Variants in RTL4 observed in about 807,000 individuals in gnomAD.
The protein encoded by RTL4 is retrotransposon Gag like 4.
A neutral mutation model predicts 5.3 loss-of-function variants in RTL4; 4 were observed. The ratio of observed to expected loss-of-function variants is 0.75; its 90% CI spans 0.37 to 1.72. RTL4 has a LOEUF of 1.72. Ranked by LOEUF, RTL4 falls within the 40% of genes most tolerant of loss-of-function variation. The pLI is 0.04. For synonymous variants in RTL4, 98 were observed against 87.3 expected (o/e 1.12, Z -0.68); for missense variants, 260 against 227.1 (o/e 1.14, Z -0.93).
chrX:112,186,902 C>T, the RTL4 span, among the ~76,000 whole-genome samples: 1 of 112,100 alleles, frequency 8.9e-6, no homozygotes, highest in East Asian at 2.8e-4. Flanking sequence ...GTTATTTTGC[C>T]TTTTGACTTA....
the RTL4 span, among the ~76,000 whole-genome samples, chrX:112,120,133 G>T: frequency 1.8e-5 from 2 of 111,993 alleles, no homozygotes; most frequent in African/African-American, 6.5e-5. Context: ...CAAAGTTGTG[G>T]TCTTCTTTTC....
chrX:112,411,521 T>C, the RTL4 span, among the ~76,000 whole-genome samples: 1 of 111,491 alleles, frequency 9.0e-6, no homozygotes, highest in African/African-American at 3.2e-5. Flanking sequence ...AAGTGGGGTT[T>C]ATCTCAGGAA....
At chrX:112,271,049 G>GAAAAAA in the RTL4 span, among the ~76,000 whole-genome samples, 1 of 60,860 alleles carries the variant, frequency 1.6e-5, no homozygotes, top group African/African-American at 5.4e-5. Context: ...CCTGGAGACA[G>GAAAAAA]AAAAAAAAAA....
At chrX:112,322,752 T>A in the RTL4 span, among the ~76,000 whole-genome samples, 2 of 111,766 alleles carry the variant, frequency 1.8e-5, no homozygotes, top group African/African-American at 6.5e-5. Context: ...TACACACATA[T>A]ATAGGATTTC....
chrX:112,420,804 T>C, the RTL4 span, among the ~76,000 whole-genome samples: 3 of 112,039 alleles, frequency 2.7e-5, no homozygotes, highest in African/African-American at 9.7e-5. Context: ...ACATATCATA[T>C]GCCTGGCCAC....
At chrX:112,321,815 A>G in the RTL4 span, among the ~76,000 whole-genome samples, 7,215 of 111,211 alleles carry the variant, frequency 0.065, 563 homozygotes, top group African/African-American at 0.22. Flanking sequence ...TCTAAATTCC[A>G]CATCTCATCT....
the RTL4 span, among the ~76,000 whole-genome samples, chrX:112,215,581 T>C: frequency 8.9e-6 from 1 of 112,354 alleles, no homozygotes; most frequent in Admixed American, 9.5e-5. Context: ...TTTCATTCAG[T>C]GCTGTCTTCA....
chrX:112,340,358 G>A, the RTL4 span, among the ~76,000 whole-genome samples: 1 of 111,106 alleles, frequency 9.0e-6, no homozygotes, highest in African/African-American at 3.3e-5. Context: ...CACTTAAACA[G>A]ATGTCATATA....
chrX:112,414,514 T>C, the RTL4 span, among the ~76,000 whole-genome samples: 1 of 111,569 alleles, frequency 9.0e-6, no homozygotes, highest in Non-Finnish European at 1.9e-5. Context: ...AAAATTGTGA[T>C]CTACCTTTCT....
the RTL4 span, among the ~76,000 whole-genome samples, chrX:112,280,419 A>G: frequency 9.0e-6 from 1 of 111,677 alleles, no homozygotes; most frequent in South Asian, 3.8e-4. Context: ...GCGGTATGCA[A>G]TATACACAGG....
At chrX:112,337,349 T>C in the RTL4 span, among the ~76,000 whole-genome samples, 50 of 111,752 alleles carry the variant, frequency 4.5e-4, no homozygotes, top group Middle Eastern at 0.032. Context: ...AGGGGCATGA[T>C]CTCAGCTCAC....
the RTL4 span, among the ~76,000 whole-genome samples, chrX:112,283,157 T>C: frequency 2.2e-4 from 25 of 111,670 alleles, no homozygotes; most frequent in African/African-American, 7.5e-4. Context: ...TTAACTCTTA[T>C]CATTTATGAA....
chrX:112,215,467 TTCC>T, the RTL4 span, among the ~76,000 whole-genome samples: 550 of 111,974 alleles, frequency 4.9e-3, 3 homozygotes, highest in African/African-American at 0.017. Flanking sequence ...GTTGTGGGAG[TTCC>T]TTATATATTT....
chrX:112,305,297 T>C, the RTL4 span, among the ~76,000 whole-genome samples: 2 of 108,609 alleles, frequency 1.8e-5, no homozygotes, highest in Admixed American at 9.9e-5. Flanking sequence ...GCTGGGACTA[T>C]AGGCGTGCAC....
chrX:112,224,310 ATTT>A, the RTL4 span, among the ~76,000 whole-genome samples: 2 of 19,965 alleles, frequency 1.0e-4, no homozygotes, highest in Non-Finnish European at 2.0e-4. Context: ...AGATACATTT[ATTT>A]ATTTATTTAT....
At chrX:112,333,335 G>T in the RTL4 span, among the ~76,000 whole-genome samples, 1 of 110,796 alleles carries the variant, frequency 9.0e-6, no homozygotes, top group Non-Finnish European at 1.9e-5. Context: ...GTTAATAATT[G>T]TGTATAGTAT....
chrX:112,151,777 ACTAAT>A, the RTL4 span, among the ~76,000 whole-genome samples: 107 of 111,621 alleles, frequency 9.6e-4, 1 homozygote, highest in Admixed American at 4.1e-3. Flanking sequence ...CAAAGCAATG[ACTAAT>A]CTAACTATTT....
the RTL4 span, among the ~76,000 whole-genome samples, chrX:112,331,652 T>C: frequency 1.9e-5 from 2 of 107,300 alleles, no homozygotes; most frequent in South Asian, 8.4e-4. Context: ...GCCATGCCAT[T>C]ACTGGGTATA....
chrX:112,328,826 A>G, the RTL4 span, among the ~76,000 whole-genome samples: 1 of 112,302 alleles, frequency 8.9e-6, no homozygotes, highest in Non-Finnish European at 1.9e-5. Flanking sequence ...CCACAGTGCA[A>G]TCAAACTAGA....
Sources: gnomAD v4.1 joint callset for allele counts (sites outside exome capture counted in the v4.1 genomes callset) on GRCh38, gnomAD v4.1.1 for gene constraint, MANE v1.5 for transcripts, NCBI Gene and HGNC (gene_info 2026-07-23, HGNC 2026-07-21) for gene names.